CNTNAP2: variants seen among roughly 807,000 people sequenced by gnomAD.
CNTNAP2 encodes contactin-associated protein-like 2.
Under a neutral mutation model 155.2 loss-of-function variants are expected in CNTNAP2, and 98 were observed. That is an observed-to-expected ratio of 0.63 (90% confidence interval 0.54 to 0.75). The LOEUF is 0.75. CNTNAP2 is among the 30% of genes least tolerant of loss of function. The pLI is 0.00. For synonymous variants in CNTNAP2, 651 were observed against 631.2 expected (o/e 1.03, Z -0.47); for missense variants, 1,727 against 1,688.1 (o/e 1.02, Z -0.40).
At chr7:147,387,981 G>A (rs997332497) in intron 9 of CNTNAP2, among the ~76,000 whole-genome samples, 1 of 152,062 alleles carries the variant, frequency 6.6e-6, no homozygotes, top group Non-Finnish European at 1.5e-5. Flanking sequence ...CCTGTTACAT[G>A]TATTACTTAG....
At chr7:146,842,511 G>A (rs1046147300) in intron 3 of CNTNAP2, among the ~76,000 whole-genome samples, 4 of 152,088 alleles carry the variant, frequency 2.6e-5, no homozygotes, top group Admixed American at 6.5e-5. Context: ...AGAAATACCT[G>A]AGACTGGGTA....
chr7:146,330,002 C>A (rs1487795006), intron 1 of CNTNAP2, among the ~76,000 whole-genome samples: 2 of 133,044 alleles, frequency 1.5e-5, no homozygotes, highest in Admixed American at 7.6e-5. Context: ...ATTGATTCAA[C>A]AAGTACTTTC....
intron 21 of CNTNAP2, among the ~76,000 whole-genome samples, chr7:148,275,579 A>G (rs1796857028): frequency 6.6e-6 from 1 of 152,208 alleles, no homozygotes; most frequent in African/African-American, 2.4e-5. Flanking sequence ...GGCAGGGTGT[A>G]AGAATGACTG....
At chr7:147,516,118 A>C (rs1340361120) in intron 11 of CNTNAP2, among the ~76,000 whole-genome samples, 3 of 152,250 alleles carry the variant, frequency 2.0e-5, no homozygotes, top group Non-Finnish European at 4.4e-5. Flanking sequence ...AAAGATTAAA[A>C]TCATTTAAAA....
At chr7:146,672,066 G>A (rs371719018) in intron 1 of CNTNAP2, among the ~76,000 whole-genome samples, 1 of 151,820 alleles carries the variant, frequency 6.6e-6, no homozygotes, top group African/African-American at 2.4e-5. Context: ...TACCCACCTC[G>A]GCCTCCCAAA....
chr7:148,172,697 C>A (rs1794844304), intron 18 of CNTNAP2, among the ~76,000 whole-genome samples: 1 of 152,148 alleles, frequency 6.6e-6, no homozygotes, highest in African/African-American at 2.4e-5. Flanking sequence ...TGCAGAATTT[C>A]TTCCAGATTC....
chr7:146,877,239 T>G (rs1795447171), intron 3 of CNTNAP2, among the ~76,000 whole-genome samples: 1 of 152,122 alleles, frequency 6.6e-6, no homozygotes, highest in Admixed American at 6.6e-5. Flanking sequence ...TGATGGCTTT[T>G]GCCTGTAATC....
intron 1 of CNTNAP2, among the ~76,000 whole-genome samples, chr7:146,458,415 C>G (rs924547806): frequency 1.3e-5 from 2 of 151,998 alleles, no homozygotes. Context: ...ATACGAAAAC[C>G]ACGCAGGAAT....
At position 146,354,423 on chromosome 7, in the gene CNTNAP2, T is replaced by G. The variant is rs578005096; in HGVS notation, c.97+237450T>G. Among the ~76,000 whole-genome samples the G allele has an allele frequency of 6.9e-4, 104 of 151,134 alleles. 1 individual carries two copies. Among genetic ancestry groups the G allele is most frequent in the Non-Finnish European group, 1.8e-4 (12 of 67,828 alleles). On this transcript the variant is annotated intron_variant, in intron 1 of 23. Coordinates refer to ENST00000361727, the MANE Select transcript of CNTNAP2 (RefSeq NM_014141.6). Reference sequence around the variant, plus strand: ...CTCTCTTGTTAGTATTTTTTTTTTTTTTTTTGTTTGAGACAGAATCTCACT... The same window carrying G: ...CTCTCTTGTTAGTATTTTTTTTTTTGTTTTTGTTTGAGACAGAATCTCACT...
intron 12 of CNTNAP2, among the ~76,000 whole-genome samples, chr7:147,593,855 G>A (rs942264595): frequency 2.6e-5 from 4 of 152,130 alleles, no homozygotes; most frequent in Admixed American, 6.5e-5. Context: ...GGAGGAGAAA[G>A]GCCAGATTAC....
rs374173388 is a variant in CNTNAP2, at chr7:148,145,428, A to T, written c.2555-2063A>T. 7.5e-4 allele frequency among the ~76,000 whole-genome samples: 114 copies of T among 152,350 alleles called. 4 individuals are homozygous for T. In the South Asian group the frequency reaches 0.022, roughly 30 times the overall value. On this transcript the variant is annotated intron_variant, in intron 16 of 23. Coordinates refer to ENST00000361727, the MANE Select transcript of CNTNAP2 (RefSeq NM_014141.6). ...AGTTTGAAGACCTGGACACGAATTC[A>T]TCATAGCAGTAGGAGAATCACAGAG...
At chr7:147,631,278 GA>G (rs1266633179) in intron 12 of CNTNAP2, among the ~76,000 whole-genome samples, 1 of 152,058 alleles carries the variant, frequency 6.6e-6, no homozygotes, top group Non-Finnish European at 1.5e-5. Context: ...CCTAACCAAG[GA>G]GGTGAAAGAT....
At chr7:146,973,318 G>A (rs1338273202) in intron 3 of CNTNAP2, among the ~76,000 whole-genome samples, 5 of 152,134 alleles carry the variant, frequency 3.3e-5, no homozygotes, top group South Asian at 2.1e-4. Context: ...GTGAGCCACC[G>A]CGCCTGGCCC....
intron 12 of CNTNAP2, among the ~76,000 whole-genome samples, chr7:147,626,423 G>A (rs1331927967): frequency 6.6e-6 from 1 of 152,068 alleles, no homozygotes; most frequent in Non-Finnish European, 1.5e-5. Context: ...CAGCCAAGAT[G>A]TCTTTTGGCC....
intron 11 of CNTNAP2, among the ~76,000 whole-genome samples, chr7:147,530,263 A>C (rs1799408573): frequency 6.8e-6 from 1 of 147,602 alleles, no homozygotes; most frequent in Admixed American, 7.0e-5. Context: ...TCAGCTCACC[A>C]CAACCTCCAC....
At chr7:146,864,808 T>C (rs550965377) in intron 3 of CNTNAP2, among the ~76,000 whole-genome samples, 3 of 117,700 alleles carry the variant, frequency 2.5e-5, no homozygotes, top group Non-Finnish European at 3.4e-5. Context: ...AGACCTTTCC[T>C]CTACCAAACA....
chr7:146,643,059 G>A (rs1156474379), intron 1 of CNTNAP2, among the ~76,000 whole-genome samples: 2 of 145,588 alleles, frequency 1.4e-5, no homozygotes, highest in Non-Finnish European at 3.0e-5. Flanking sequence ...CTGGATATTA[G>A]CCCTTTGTCA....
Position 146,126,631 on chromosome 7 carries a change from G to T in CNTNAP2, c.97+9658G>T, listed in dbSNP as rs535981364. On this transcript the variant is annotated intron_variant, in intron 1 of 23. Coordinates refer to ENST00000361727, the MANE Select transcript of CNTNAP2 (RefSeq NM_014141.6). ...CAGTTCTCAGGAAATGTTGAAGTCT[G>T]TATCGAAAACTGTAAATATGATTGC... Among the ~76,000 whole-genome samples the T allele has an allele frequency of 3.9e-5, 6 of 152,304 alleles. 1 individual carries two copies. The South Asian group carries it at 1.2e-3, about 32-fold the overall frequency.
intron 9 of CNTNAP2, chr7:147,378,229 T>A: frequency 3.6e-6 from 1 of 275,908 alleles, no homozygotes. Context: ...ACAAACTCAC[T>A]CTGTAGCTTT....
Sources: allele counts gnomAD v4.1 joint callset (sites outside exome capture counted in the v4.1 genomes callset), GRCh38; gene constraint gnomAD v4.1.1; transcripts MANE v1.5; gene names NCBI Gene and HGNC (gene_info 2026-07-23, HGNC 2026-07-21).